Variants in TENM3 observed in about 807,000 individuals in gnomAD.
The protein encoded by TENM3 is teneurin transmembrane protein 3.
A neutral mutation model predicts 255.1 loss-of-function variants in TENM3; 63 were observed. That is an observed-to-expected ratio of 0.25 (90% confidence interval 0.20 to 0.30). The LOEUF (loss-of-function observed/expected upper bound fraction) is 0.30. TENM3 is among the 10% of genes least tolerant of loss of function. The pLI, the probability that TENM3 is intolerant of heterozygous loss-of-function variation, is 1.00. For synonymous variants in TENM3, 1,306 were observed against 1,322.3 expected, an observed-to-expected ratio of 0.99 and a Z score of 0.27; for missense variants, 2,929 against 3,461.1, an observed-to-expected ratio of 0.85 and a Z score of 3.86.
rs923863943 is a variant in TENM3, at chr4:182,754,233, T to C, written c.4018-152T>C. 6.6e-5 allele frequency among the ~76,000 whole-genome samples: 10 copies of C among 152,236 alleles called. No individual in the cohort carries two copies. The highest frequency in any genetic ancestry group is 5.2e-4 in the Admixed American group (8 of 15,288). ...TGTATCTATCTTCATTCATTACTTT[T>C]TGGTTTATTTTACTGAGGCTATTGA... is the stretch of plus-strand genomic sequence containing the variant. On this transcript the variant is annotated intron_variant, in intron 21 of 27. Coordinates refer to ENST00000511685, the MANE Select transcript of TENM3 (RefSeq NM_001080477.4). This position sits in a 1 kb window ranked among gnomAD's most constrained non-coding sequence, Gnocchi z 5.1.
the TENM3 span, among the ~76,000 whole-genome samples, chr4:181,463,664 A>G: frequency 6.6e-6 from 1 of 152,256 alleles, no homozygotes; most frequent in Non-Finnish European, 1.5e-5. Context: ...TTCATAAACC[A>G]TAACATTTAC....
At chr4:182,445,440 C>T (rs1772837747) in intron 3 of TENM3, among the ~76,000 whole-genome samples, 1 of 152,122 alleles carries the variant, frequency 6.6e-6, no homozygotes, top group Non-Finnish European at 1.5e-5. Context: ...GCACCTCTGA[C>T]AATGTGGATT....
rs895153144 is a variant in TENM3 at position 182,800,631 on chromosome 4, G to T, written c.*280G>T. The T allele has an allele frequency of 3.0e-6, 1 of 336,350 alleles. No homozygotes were observed. The highest frequency in any genetic ancestry group is 5.4e-6 in the Non-Finnish European group (1 of 183,666). The allele number at this position is 336,350 out of a possible 1,614,324, so 20.8% of individuals were successfully genotyped here. The stretch of plus-strand genomic sequence containing the variant: ...TCATCAAGGACAAAGGCCTCGACCT[G>T]TTGCGCTGGGCCGTCTGTTCCTTCT... On this transcript the variant is annotated 3_prime_UTR_variant, in exon 28 of 28. Transcript: ENST00000511685.
At chr4:182,592,939 G>T (rs937247358) in intron 3 of TENM3, among the ~76,000 whole-genome samples, 4 of 152,122 alleles carry the variant, frequency 2.6e-5, no homozygotes, top group African/African-American at 9.7e-5. Flanking sequence ...AATATGTTTG[G>T]CTTCTTTTAA....
At chr4:182,066,872 C>A in the TENM3 span, among the ~76,000 whole-genome samples, 1 of 152,148 alleles carries the variant, frequency 6.6e-6, no homozygotes, top group Non-Finnish European at 1.5e-5. Context: ...GATCGCACCG[C>A]TGCACTCCAG....
At chr4:182,461,869 G>A (rs1732030375) in intron 3 of TENM3, among the ~76,000 whole-genome samples, 1 of 152,042 alleles carries the variant, frequency 6.6e-6, no homozygotes. Context: ...GCTAAGATAG[G>A]GACAGATCCA....
chr4:181,497,566 C>T, the TENM3 span, among the ~76,000 whole-genome samples: 196 of 152,164 alleles, frequency 1.3e-3, no homozygotes, highest in African/African-American at 4.6e-3. Flanking sequence ...GATCATGAGG[C>T]CCAGTCCTTC....
chr4:182,420,928 A>G (rs1488717319), intron 3 of TENM3, among the ~76,000 whole-genome samples: 1 of 152,178 alleles, frequency 6.6e-6, no homozygotes, highest in Non-Finnish European at 1.5e-5. Flanking sequence ...CCACATGCTT[A>G]TTCTATACAT....
the TENM3 span, among the ~76,000 whole-genome samples, chr4:181,891,588 A>G: frequency 0.011 from 1,722 of 151,996 alleles, 21 homozygotes; most frequent in South Asian, 0.016. Context: ...CTCTTGCTCA[A>G]TTTTCTTTCT....
chr4:181,709,216 T>C, the TENM3 span, among the ~76,000 whole-genome samples: 1 of 152,246 alleles, frequency 6.6e-6, no homozygotes, highest in African/African-American at 2.4e-5. Flanking sequence ...TTTGGATGCC[T>C]ACTGTGTAGC....
chr4:181,748,107 A>C, the TENM3 span, among the ~76,000 whole-genome samples: 1 of 152,038 alleles, frequency 6.6e-6, no homozygotes, highest in Non-Finnish European at 1.5e-5. Flanking sequence ...TTCTCCTAGT[A>C]ATTTTTAAAT....
chr4:182,041,363 T>C, the TENM3 span, among the ~76,000 whole-genome samples: 1 of 152,146 alleles, frequency 6.6e-6, no homozygotes, highest in Non-Finnish European at 1.5e-5. Context: ...TCTTCAACAT[T>C]TCACTTTTTG....
chr4:181,568,215 G>A, the TENM3 span, among the ~76,000 whole-genome samples: 3 of 148,606 alleles, frequency 2.0e-5, no homozygotes, highest in Non-Finnish European at 4.4e-5. Flanking sequence ...CCAGGCTGGA[G>A]TGCAGTGGTG....
chr4:182,731,689 G>A (rs1760724058), intron 16 of TENM3, among the ~76,000 whole-genome samples: 1 of 106,534 alleles, frequency 9.4e-6, no homozygotes, highest in African/African-American at 4.0e-5. Flanking sequence ...TATAGTGGGT[G>A]TTGGGGTGTG....
chr4:182,781,664 G>A (rs1765177282), intron 24 of TENM3, among the ~76,000 whole-genome samples: 1 of 149,672 alleles, frequency 6.7e-6, no homozygotes, highest in Non-Finnish European at 1.5e-5. Flanking sequence ...GTAGAATTCA[G>A]CTGTGAATCC....
At chr4:181,890,940 ATTC>A in the TENM3 span, among the ~76,000 whole-genome samples, 1 of 152,216 alleles carries the variant, frequency 6.6e-6, no homozygotes, top group Non-Finnish European at 1.5e-5. Flanking sequence ...AATGGAACTA[ATTC>A]TTCTGAATCA....
rs148001744 is a variant in TENM3, at chr4:182,150,313, G to A, written c.-76+5559G>A. Among the ~76,000 whole-genome samples the A allele has an allele frequency of 1.4e-4, 21 of 152,074 alleles. 1 individual carries two copies. The highest frequency in any genetic ancestry group is 4.3e-4 in the African/African-American group (18 of 41,514). On this transcript the variant is annotated intron_variant, in intron 1 of 2. Coordinates refer to the TENM3 transcript ENST00000512480. ...TTTATAATGAGCGATGGCCCTTTGA[G>A]CATTTTCTGTATGTAGCAGGGTGTG...
chr4:182,732,387 A>G (rs956241014), intron 16 of TENM3, among the ~76,000 whole-genome samples: 1 of 152,222 alleles, frequency 6.6e-6, no homozygotes, highest in African/African-American at 2.4e-5. Context: ...TTGACAGAAA[A>G]TATTCATTAA....
chr4:182,001,020 T>TTA, the TENM3 span, among the ~76,000 whole-genome samples: 45 of 148,756 alleles, frequency 3.0e-4, no homozygotes, highest in African/African-American at 1.1e-3. Context: ...TTTTTTTTTT[T>TTA]AATAATTCAC....
Sources: gnomAD v4.1 joint callset for allele counts (sites outside exome capture counted in the v4.1 genomes callset) on GRCh38, gnomAD v4.1.1 for gene constraint, Gnocchi (gnomAD v3.1) non-coding constraint, MANE v1.5 for transcripts, NCBI Gene and HGNC (gene_info 2026-07-23, HGNC 2026-07-21) for gene names.